ATP6V0D1: variants seen among roughly 807,000 people sequenced by gnomAD.
ATP6V0D1 encodes V-type proton ATPase subunit d 1.
Under a neutral mutation model 39.0 loss-of-function variants are expected in ATP6V0D1, and 13 were observed. That is an observed-to-expected ratio of 0.33 (90% confidence interval 0.22 to 0.53). ATP6V0D1 has a LOEUF of 0.53. Among genes scored for constraint, ATP6V0D1 ranks in the 20% least tolerant of loss-of-function variants. The pLI, the probability that ATP6V0D1 is intolerant of heterozygous loss-of-function variation, is 0.94. For missense variants in ATP6V0D1, 272 were observed against 470.9 expected (o/e 0.58, Z 3.91); for synonymous variants, 191 against 191.2 (o/e 1.00, Z 0.01).
chr16:67,438,116 T>A lies in ATP6V0D1; in HGVS notation c.*412A>T, dbSNP rs934924881. 1 of 223,184 alleles carries A rather than the reference T, an allele frequency of 4.5e-6. No individual in the cohort carries two copies. Among genetic ancestry groups the A allele is most frequent in the Non-Finnish European group, 9.0e-6 (1 of 110,980 alleles). 13.8% of individuals were successfully genotyped at this position (223,184 alleles called of 1,614,324 possible). A position where few individuals can be genotyped will look rare whatever the true frequency, so the allele number is the denominator to read the frequency against. Reference sequence around the variant, plus strand: ...CCCCAGGCCCCAAGGACACACACACTCTGTCCTTCCCATGGGCCATGGCTC... The same window carrying A: ...CCCCAGGCCCCAAGGACACACACACACTGTCCTTCCCATGGGCCATGGCTC... On this transcript the variant is annotated 3_prime_UTR_variant, in exon 8 of 8. Transcript: ENST00000290949.
chr16:67,471,050 A>C (rs547071161), intron 1 of ATP6V0D1, among the ~76,000 whole-genome samples: 183 of 152,302 alleles, frequency 1.2e-3, no homozygotes, highest in Middle Eastern at 6.8e-3. Context: ...GCCTCAGAGC[A>C]AGTTTCTTTT....
intron 1 of ATP6V0D1, among the ~76,000 whole-genome samples, chr16:67,478,238 T>G (rs1322613075): frequency 6.6e-6 from 1 of 152,118 alleles, no homozygotes; most frequent in African/African-American, 2.4e-5. Flanking sequence ...TCAACCCAGG[T>G]TTGCCTAACT....
intron 2 of ATP6V0D1, among the ~76,000 whole-genome samples, chr16:67,449,985 T>C (rs2041159923): frequency 1.3e-5 from 2 of 152,074 alleles, no homozygotes; most frequent in African/African-American, 2.4e-5. Flanking sequence ...AAAGCAACTA[T>C]GAGGCCCTGA....
At chr16:67,443,283 G>C (rs1427896229) in intron 3 of ATP6V0D1, 105 bp from the exon 4 acceptor site, 9 of 1,207,292 alleles carry the variant, frequency 7.5e-6, no homozygotes, top group African/African-American at 3.0e-5. Context: ...AAGGCCCACA[G>C]GGCTGGGTAT....
chr16:67,479,021 G>C (rs1179538718), intron 1 of ATP6V0D1, among the ~76,000 whole-genome samples: 1 of 152,054 alleles, frequency 6.6e-6, no homozygotes, highest in African/African-American at 2.4e-5. Context: ...CTGTGTGCCA[G>C]GCCCTGTCCC....
chr16:67,464,647 G>GC (rs1230254716), intron 1 of ATP6V0D1, among the ~76,000 whole-genome samples: 1 of 152,210 alleles, frequency 6.6e-6, no homozygotes, highest in African/African-American at 2.4e-5. Context: ...CCTCTGAGTG[G>GC]CCACCAGCAC....
At chr16:67,452,138 A>C in intron 2 of ATP6V0D1, 18 of 1,420,180 alleles carry the variant, frequency 1.3e-5, no homozygotes, top group Non-Finnish European at 1.4e-5. Context: ...AGGCCAGGGA[A>C]TGATCAACAG....
chr16:67,471,144 TG>T (rs2041369672), intron 1 of ATP6V0D1, among the ~76,000 whole-genome samples: 1 of 152,208 alleles, frequency 6.6e-6, no homozygotes, highest in Admixed American at 6.5e-5. Flanking sequence ...GTGTAATGAA[TG>T]ATCAATTCAG....
chr16:67,474,397 T>C (rs1040249838), intron 1 of ATP6V0D1, among the ~76,000 whole-genome samples: 2 of 152,238 alleles, frequency 1.3e-5, no homozygotes, highest in Admixed American at 6.5e-5. Context: ...GTCTAGACAT[T>C]GTCTCTGCCC....
chr16:67,462,216 G>A (rs1408150774), intron 1 of ATP6V0D1, among the ~76,000 whole-genome samples: 2 of 152,202 alleles, frequency 1.3e-5, no homozygotes, highest in Admixed American at 6.5e-5. Flanking sequence ...GGCTTGCAGG[G>A]CAGCTTTCCT....
intron 1 of ATP6V0D1, among the ~76,000 whole-genome samples, chr16:67,478,310 G>A (rs1260485546): frequency 6.6e-6 from 1 of 152,120 alleles, no homozygotes; most frequent in African/African-American, 2.4e-5. Flanking sequence ...AGGGATATGA[G>A]GGATAGAAAT....
chr16:67,474,198 C>T (rs1179046501), intron 1 of ATP6V0D1, among the ~76,000 whole-genome samples: 1 of 152,160 alleles, frequency 6.6e-6, no homozygotes, highest in East Asian at 1.9e-4. Flanking sequence ...CAGGGAATGA[C>T]CACAGTGGAG....
intron 4 of ATP6V0D1, 90 bp from the exon 5 acceptor site, chr16:67,439,441 C>T: frequency 7.9e-7 from 1 of 1,268,088 alleles, no homozygotes; most frequent in Non-Finnish European, 1.1e-6. Context: ...TCCTCCCCTC[C>T]CTAGCCCCTT....
intron 1 of ATP6V0D1, among the ~76,000 whole-genome samples, chr16:67,461,049 G>A (rs768520075): frequency 2.6e-5 from 4 of 152,202 alleles, no homozygotes; most frequent in East Asian, 1.9e-4. Flanking sequence ...CAAAGGCAGC[G>A]GTTTACAGAG....
At chr16:67,469,297 G>T (rs1217087284) in intron 1 of ATP6V0D1, among the ~76,000 whole-genome samples, 3 of 152,172 alleles carry the variant, frequency 2.0e-5, no homozygotes, top group Non-Finnish European at 4.4e-5. Context: ...AACAAAGCAA[G>T]ACTCCTTCTC....
At chr16:67,473,342 A>G (rs1435522055) in intron 1 of ATP6V0D1, among the ~76,000 whole-genome samples, 1 of 151,886 alleles carries the variant, frequency 6.6e-6, no homozygotes, top group Admixed American at 6.6e-5. Flanking sequence ...CCGCCCCACA[A>G]TCAGTTTTAG....
chr16:67,448,322 C>T (rs2041140513), intron 2 of ATP6V0D1, among the ~76,000 whole-genome samples: 1 of 151,414 alleles, frequency 6.6e-6, no homozygotes, highest in Non-Finnish European at 1.5e-5. Context: ...CACTGCACTC[C>T]AGCCTGGGCA....
chr16:67,454,332 G>A (rs774827270), intron 1 of ATP6V0D1, among the ~76,000 whole-genome samples: 3 of 152,206 alleles, frequency 2.0e-5, no homozygotes, highest in Non-Finnish European at 4.4e-5. Context: ...AGTGGCATGC[G>A]GGGGAGGTGA....
At position 67,453,662 on chromosome 16, in the gene ATP6V0D1, C is replaced by A; in HGVS notation, c.184G>T (p.Ala62Ser). The A allele has an allele frequency of 1.2e-6, 2 of 1,614,150 alleles. No homozygotes were observed. Among genetic ancestry groups the A allele is most frequent in the Non-Finnish European group, 8.5e-7 (1 of 1,180,012 alleles). Residue 62 changes from alanine (A) to serine (S), a missense_variant, in exon 2 of 8, where the codon GCA becomes TCA. Physicochemically the swap from Ala to Ser is moderately conservative, Grantham distance 99. Coordinates refer to ENST00000290949, the MANE Select transcript of ATP6V0D1 (RefSeq NM_004691.5). The surrounding 1 kb of genome is among the most constrained non-coding windows in gnomAD (Gnocchi z 4.1). ...TDYGNFLANE[A>S]SPLTVSVIDD... The stretch of plus-strand genomic sequence containing the variant: ...ATGACTGACACCGTCAGAGGTGATG[C>A]CTCGTTGGCCAGGAAGTTACCATAA...
Sources: gnomAD v4.1 joint callset for allele counts (sites outside exome capture counted in the v4.1 genomes callset) on GRCh38, gnomAD v4.1.1 for gene constraint, Gnocchi (gnomAD v3.1) non-coding constraint, MANE v1.5 for transcripts, NCBI Gene and HGNC (gene_info 2026-07-23, HGNC 2026-07-21) for gene names.